The following IL1RAPL1 variants were observed in gnomAD, a reference collection of about 807,000 sequenced individuals.
The protein encoded by IL1RAPL1 is interleukin 1 receptor accessory protein like 1, also known as interleukin-1 receptor accessory protein-like 1.
IL1RAPL1 carries 3 observed loss-of-function variants against 48.4 expected under a neutral mutation model. The observed-to-expected ratio is 0.06, with a 90% CI of 0.03 to 0.16. The LOEUF is 0.16. IL1RAPL1 is among the 10% of genes least tolerant of loss of function. The probability of loss-of-function intolerance (pLI) is 1.00; values close to 1 mark genes in which losing one functional copy is unlikely to be tolerated. For synonymous variants in IL1RAPL1, 185 were observed against 187.7 expected, an observed-to-expected ratio of 0.99 and a Z score of 0.12; for missense variants, 349 against 530.6, an observed-to-expected ratio of 0.66 and a Z score of 3.36.
chrX:29,385,357 G>A (rs1161008836), intron 3 of IL1RAPL1, among the ~76,000 whole-genome samples: 2 of 112,463 alleles, frequency 1.8e-5, no homozygotes, highest in Non-Finnish European at 3.8e-5. Flanking sequence ...AGAAGGCTGA[G>A]GCAGGAGAAT....
At chrX:29,796,676 C>G (rs972682549) in intron 6 of IL1RAPL1, among the ~76,000 whole-genome samples, 9 of 112,335 alleles carry the variant, frequency 8.0e-5, no homozygotes, top group African/African-American at 1.3e-4. Flanking sequence ...TTGGTCAACA[C>G]AGCAAATGAA....
intron 2 of IL1RAPL1, among the ~76,000 whole-genome samples, chrX:29,277,231 C>A (rs183332953): frequency 1.9e-3 from 212 of 111,939 alleles, no homozygotes; most frequent in Middle Eastern, 0.018. Context: ...AATAGCAGGG[C>A]TTTTTCTGCT....
At chrX:28,946,542 A>G (rs1924310246) in intron 2 of IL1RAPL1, among the ~76,000 whole-genome samples, 1 of 111,469 alleles carries the variant, frequency 9.0e-6, no homozygotes, top group Non-Finnish European at 1.9e-5. Context: ...GGTACCTTTT[A>G]AGCATTCAAA....
At chrX:29,803,152 T>C (rs181113620) in intron 6 of IL1RAPL1, among the ~76,000 whole-genome samples, 1 of 90,332 alleles carries the variant, frequency 1.1e-5, no homozygotes, top group African/African-American at 4.1e-5. Flanking sequence ...TATATATGTG[T>C]ATACATGCAT....
intron 5 of IL1RAPL1, among the ~76,000 whole-genome samples, chrX:29,456,201 TTTG>T (rs1934736675): frequency 8.9e-6 from 1 of 112,487 alleles, no homozygotes; most frequent in Non-Finnish European, 1.9e-5. Flanking sequence ...ATTAAAATAT[TTTG>T]TTGCACGTTT....
At chrX:29,457,405 G>A (rs1172970999) in intron 5 of IL1RAPL1, among the ~76,000 whole-genome samples, 1 of 110,867 alleles carries the variant, frequency 9.0e-6, no homozygotes, top group Non-Finnish European at 1.9e-5. Flanking sequence ...TGTGCTCAAA[G>A]TTTAGCTCCC....
intron 5 of IL1RAPL1, among the ~76,000 whole-genome samples, chrX:29,594,137 G>C: frequency 8.9e-6 from 1 of 112,542 alleles, no homozygotes; most frequent in East Asian, 2.8e-4. Flanking sequence ...TTGAGTGAAA[G>C]AGAACAGAGA....
At chrX:29,680,390 A>G (rs1197012824) in intron 6 of IL1RAPL1, among the ~76,000 whole-genome samples, 1 of 111,474 alleles carries the variant, frequency 9.0e-6, no homozygotes, top group East Asian at 2.8e-4. Flanking sequence ...GAAGTTCCCT[A>G]AGGAGAAATC....
chrX:29,302,158 A>C (rs1932545966), intron 3 of IL1RAPL1, among the ~76,000 whole-genome samples: 1 of 112,097 alleles, frequency 8.9e-6, no homozygotes, highest in Admixed American at 9.5e-5. Flanking sequence ...GTCGCAGAGA[A>C]AATTATTCTA....
At chrX:29,627,644 C>A (rs760552364) in intron 5 of IL1RAPL1, among the ~76,000 whole-genome samples, 5 of 111,777 alleles carry the variant, frequency 4.5e-5, no homozygotes, top group Non-Finnish European at 9.4e-5. Context: ...TGTGATGTGA[C>A]TGTGGTGGTG....
intron 6 of IL1RAPL1, among the ~76,000 whole-genome samples, chrX:29,865,678 A>G: frequency 1.0e-5 from 1 of 96,228 alleles, no homozygotes; most frequent in African/African-American, 4.0e-5. Flanking sequence ...CCTCTGTCAA[A>G]TAGGCTGGAG....
At chrX:29,298,547 A>G (rs1932483350) in intron 3 of IL1RAPL1, among the ~76,000 whole-genome samples, 1 of 111,964 alleles carries the variant, frequency 8.9e-6, no homozygotes, top group Non-Finnish European at 1.9e-5. Context: ...CCTCCACCTT[A>G]CAAAAGAAAG....
rs759106851 is a variant in IL1RAPL1 at position 29,647,282 on chromosome X, G to A, written c.704-21148G>A. On this transcript the variant is annotated intron_variant, in intron 5 of 10. Transcript: ENST00000378993. Reference sequence around the variant, plus strand: ...GGAGAATTGCTTGAACATGGGAAGCGGAGGTTGCAGTGAGCGAGATCATGC... The same window carrying A: ...GGAGAATTGCTTGAACATGGGAAGCAGAGGTTGCAGTGAGCGAGATCATGC... Among the ~76,000 whole-genome samples the A allele has an allele frequency of 7.4e-5, 8 of 108,184 alleles. No individual in the cohort carries two copies. In the South Asian group the frequency reaches 1.2e-3, roughly 17 times the overall value. The allele number at this position is 108,184 out of a possible 115,157, so 93.9% of individuals were successfully genotyped here.
chrX:28,834,007 T>C (rs1408096578), intron 2 of IL1RAPL1, among the ~76,000 whole-genome samples: 5 of 112,342 alleles, frequency 4.5e-5, no homozygotes, highest in Non-Finnish European at 5.6e-5. Flanking sequence ...AAATTATTTA[T>C]TGAGGTGAAG....
chrX:29,277,159 T>G (rs891362155), intron 2 of IL1RAPL1, among the ~76,000 whole-genome samples: 7 of 112,035 alleles, frequency 6.2e-5, no homozygotes, highest in Non-Finnish European at 1.3e-4. Context: ...CGAAGGCTAA[T>G]AAAAGAAAAT....
intron 6 of IL1RAPL1, among the ~76,000 whole-genome samples, chrX:29,841,264 T>A (rs376098906): frequency 8.9e-6 from 1 of 112,297 alleles, no homozygotes; most frequent in East Asian, 2.8e-4. Context: ...AAATGTTTAT[T>A]TGATAATTAC....
chrX:29,868,918 G>T (rs1455461933), intron 6 of IL1RAPL1, among the ~76,000 whole-genome samples: 1 of 111,466 alleles, frequency 9.0e-6, no homozygotes, highest in African/African-American at 3.3e-5. Flanking sequence ...TGTACAATTT[G>T]GGTTAGATTT....
At chrX:29,824,306 G>A (rs1358965361) in intron 6 of IL1RAPL1, among the ~76,000 whole-genome samples, 1 of 111,519 alleles carries the variant, frequency 9.0e-6, no homozygotes, top group Admixed American at 9.6e-5. Context: ...CAAACAATGT[G>A]GATGTCTAGA....
intron 2 of IL1RAPL1, among the ~76,000 whole-genome samples, chrX:29,197,972 G>T (rs1002262580): frequency 8.1e-5 from 9 of 111,431 alleles, no homozygotes; most frequent in Non-Finnish European, 1.7e-4. Context: ...GCCTCCCAAA[G>T]TGCTGAGATT....
Sources: allele counts gnomAD v4.1 joint callset (sites outside exome capture counted in the v4.1 genomes callset), GRCh38; gene constraint gnomAD v4.1.1; transcripts MANE v1.5; gene names NCBI Gene and HGNC (gene_info 2026-07-23, HGNC 2026-07-21).